Variants in AIF1L observed in about 807,000 individuals in gnomAD.
AIF1L encodes the protein allograft inflammatory factor 1 like.
AIF1L carries 12 observed loss-of-function variants against 20.7 expected under a neutral mutation model. That is an observed-to-expected ratio of 0.58 (90% CI 0.37 to 0.94). The LOEUF (loss-of-function observed/expected upper bound fraction) is 0.94, where lower values mean the gene tolerates loss of function less well. Ranked by LOEUF, AIF1L falls within the 40% of genes least tolerant of loss-of-function variation. The pLI is 0.01. For missense variants in AIF1L, 173 were observed against 185.3 expected (o/e 0.93, Z 0.39); for synonymous variants, 76 against 65.1 (o/e 1.17, Z -0.81).
chr9:131,114,327 A>G (rs1160159287), intron 3 of AIF1L: 1 of 482,138 alleles, frequency 2.1e-6, no homozygotes, highest in African/African-American at 1.9e-5. Flanking sequence ...CCTCCTGGTA[A>G]GAGGGTCAGA....
chr9:131,110,579 C>T (rs1191029998), intron 2 of AIF1L, among the ~76,000 whole-genome samples: 1 of 150,844 alleles, frequency 6.6e-6, no homozygotes, highest in African/African-American at 2.4e-5. Context: ...TCTCAGCTCA[C>T]TGCAACCTCC....
At chr9:131,097,430 T>A (rs1588177135) in intron 2 of AIF1L, among the ~76,000 whole-genome samples, 1 of 123,310 alleles carries the variant, frequency 8.1e-6, no homozygotes, top group Non-Finnish European at 1.9e-5. Flanking sequence ...AATAGAAGAC[T>A]CTGATGGGCG....
chr9:131,097,591 T>C (rs1263582272), intron 2 of AIF1L, among the ~76,000 whole-genome samples: 1 of 152,246 alleles, frequency 6.6e-6, no homozygotes, highest in Non-Finnish European at 1.5e-5. Context: ...AAATCTTTCC[T>C]GTTGTTGCCA....
chr9:131,096,895 C>G, intron 2 of AIF1L, 32 bp downstream of exon 2: 1 of 1,507,562 alleles, frequency 6.6e-7, no homozygotes, highest in Non-Finnish European at 8.8e-7. Flanking sequence ...GCACGCGAGT[C>G]CCGAGCCGCG....
chr9:131,113,250 C>T (rs901949012), intron 3 of AIF1L, among the ~76,000 whole-genome samples: 1 of 151,740 alleles, frequency 6.6e-6, no homozygotes, highest in African/African-American at 2.4e-5. Context: ...GTAATCCCAG[C>T]ACTTTGGGAG....
Position 131,121,075 on chromosome 9 carries a change from G to T in AIF1L, c.*753G>T, listed in dbSNP as rs1831127074. 5 of 711,998 alleles carry T rather than the reference G, an allele frequency of 7.0e-6. No homozygotes were observed. In the East Asian group the frequency reaches 1.3e-4, roughly 19 times the overall value. The allele number at this position is 711,998 out of a possible 1,614,324, so 44.1% of individuals were successfully genotyped here. A position where few individuals can be genotyped will look rare whatever the true frequency, so the allele number is the denominator to read the frequency against. On this transcript the variant is annotated 3_prime_UTR_variant, in exon 6 of 6. Transcript: ENST00000247291. ...GGCAGAAGTGAGGCCTGGGGTTTTG[G>T]GGGAAAGGTCAGCTCAGTGCTGTTC...
chr9:131,121,200 A>G lies in AIF1L; in HGVS notation c.*878A>G. ...CACTGGTAAGCCAAGACTGAGAAAT[A>G]CAAGGTTGCTTGTCTGACCCCAATC... is the stretch of plus-strand genomic sequence containing the variant. On this transcript the variant is annotated 3_prime_UTR_variant, in exon 6 of 6. Coordinates refer to ENST00000247291, the MANE Select transcript of AIF1L (RefSeq NM_031426.4). 2.9e-6 allele frequency: 2 copies of G among 691,074 alleles called. No individual in the cohort carries two copies. Among genetic ancestry groups the G allele is most frequent in the Admixed American group, 4.3e-5 (2 of 46,812 alleles). The allele number at this position is 691,074 out of a possible 1,614,324, so 42.8% of individuals were successfully genotyped here. A position where few individuals can be genotyped will look rare whatever the true frequency, so the allele number is the denominator to read the frequency against.
At chr9:131,115,225 G>C (rs1030609819) in intron 4 of AIF1L, among the ~76,000 whole-genome samples, 17 of 152,028 alleles carry the variant, frequency 1.1e-4, no homozygotes, top group Admixed American at 2.0e-4. Flanking sequence ...CAAGGCGTGG[G>C]GATCACCTGA....
intron 4 of AIF1L, among the ~76,000 whole-genome samples, chr9:131,115,823 A>G (rs1830999202): frequency 6.6e-6 from 1 of 151,788 alleles, no homozygotes; most frequent in African/African-American, 2.4e-5. Flanking sequence ...AAAATGCAAA[A>G]ATTAGCCGGG....
At chr9:131,117,647 G>A in intron 4 of AIF1L, 109 bp from the exon 5 acceptor site, 2 of 1,201,874 alleles carry the variant, frequency 1.7e-6, no homozygotes, top group Admixed American at 2.5e-5. Context: ...GAGAAGGAGT[G>A]CAGACGCCAA....
chr9:131,111,633 A>T lies in AIF1L; in HGVS notation c.130A>T (p.Asn44Tyr). 1 of 1,614,016 alleles carries T rather than the reference A, an allele frequency of 6.2e-7. No homozygotes were observed. The highest frequency in any genetic ancestry group is 1.1e-5 in the South Asian group (1 of 91,080). ...TGACCAGAAGTACAGTGATGAAGAG[A>T]ACCTTCCAGAAAAGCTCACAGCCTT... Reference protein sequence around the residue: ...LCDQKYSDEENLPEKLTAFKE... With the variant: ...LCDQKYSDEEYLPEKLTAFKE... The change falls in exon 3 of 6, where the codon AAC becomes TAC. Residue 44 changes from asparagine to tyrosine, a missense_variant. Transcript: ENST00000247291.
chr9:131,115,449 C>CA (rs746698091), intron 4 of AIF1L, among the ~76,000 whole-genome samples: 46,531 of 60,428 alleles, frequency 0.77, 19,022 homozygotes, highest in Non-Finnish European at 0.86. Context: ...GATTCTGTCT[C>CA]AAAAAAAAAA....
At chr9:131,110,947 G>A (rs1481122356) in intron 2 of AIF1L, among the ~76,000 whole-genome samples, 1 of 151,634 alleles carries the variant, frequency 6.6e-6, no homozygotes, top group African/African-American at 2.4e-5. Flanking sequence ...GGGTGGGAGC[G>A]GGGGGATCAA....
intron 2 of AIF1L, among the ~76,000 whole-genome samples, chr9:131,104,980 T>A (rs1318950552): frequency 6.6e-6 from 1 of 152,098 alleles, no homozygotes; most frequent in East Asian, 1.9e-4. Context: ...TTTTTTTCTT[T>A]ATTTTGCTTT....
Position 131,111,580 on chromosome 9 carries a change from T to C in AIF1L, c.94-17T>C. On this transcript the variant is annotated splice_polypyrimidine_tract_variant and intron_variant, in intron 2 of 5. Coordinates refer to ENST00000247291, the MANE Select transcript of AIF1L (RefSeq NM_031426.4). Reference sequence around the variant, plus strand: ...GTCCCCAGTCCCTTGCTCAGCACTGTCCTCTCACCTCTGTAGGAGTTTCTG... The same window carrying C: ...GTCCCCAGTCCCTTGCTCAGCACTGCCCTCTCACCTCTGTAGGAGTTTCTG... The C allele has an allele frequency of 6.2e-7, 1 of 1,612,094 alleles. No individual in the cohort carries two copies. The highest frequency in any genetic ancestry group is 8.5e-7 in the Non-Finnish European group (1 of 1,178,364).
chr9:131,117,807 A>G lies in AIF1L; in HGVS notation c.254A>G (p.His85Arg), dbSNP rs775055463. The change falls in exon 5 of 6, where the codon CAC becomes CGC. Residue 85 changes from histidine (H) to arginine (R), a missense_variant. Coordinates refer to ENST00000247291, the MANE Select transcript of AIF1L (RefSeq NM_031426.4). The stretch of plus-strand genomic sequence containing the variant: ...GAGAAGCTTGGTGTCCCCAAGACCC[A>G]CCTGGAGATGAAGAAGATGATCTCA... ...MMEKLGVPKT[H>R]LEMKKMISEV... is the part of the protein sequence containing the mutation. The G allele has an allele frequency of 1.2e-6, 2 of 1,614,062 alleles. No individual in the cohort carries two copies. The highest frequency in any genetic ancestry group is 3.3e-5 in the Admixed American group (2 of 59,998).
intron 3 of AIF1L, chr9:131,111,972 C>G (rs774730932): frequency 2.5e-6 from 1 of 405,810 alleles, no homozygotes; most frequent in South Asian, 2.8e-5. Flanking sequence ...GCCCAGGCCC[C>G]GTCACTCCCG....
chr9:131,096,780 G>T (rs1166594927), intron 1 of AIF1L, 22 bp from the exon 2 acceptor site: 1 of 1,519,352 alleles, frequency 6.6e-7, no homozygotes, highest in Non-Finnish European at 8.8e-7. Context: ...CGCTTCCCAG[G>T]CCGCCTCTTT....
intron 2 of AIF1L, among the ~76,000 whole-genome samples, chr9:131,103,939 C>T (rs145366446): frequency 2.0e-5 from 3 of 152,190 alleles, no homozygotes; most frequent in Admixed American, 2.0e-4. Flanking sequence ...TCCGGCACCT[C>T]GGTTTCCCCA....
Sources: allele counts gnomAD v4.1 joint callset (sites outside exome capture counted in the v4.1 genomes callset), GRCh38; gene constraint gnomAD v4.1.1; transcripts MANE v1.5; gene names NCBI Gene and HGNC (gene_info 2026-07-23, HGNC 2026-07-21).